The following SASH1 variants were observed in gnomAD, a reference collection of about 807,000 sequenced individuals.
SASH1 encodes the protein SAM and SH3 domain containing 1.
Under a neutral mutation model 125.2 loss-of-function variants are expected in SASH1, and 44 were observed. That is an observed-to-expected ratio of 0.35 (90% CI 0.28 to 0.45). The LOEUF is 0.45. Ranked by LOEUF, SASH1 falls within the 20% of genes least tolerant of loss-of-function variation. The probability of loss-of-function intolerance (pLI) is 1.00; values close to 1 mark genes in which losing one functional copy is unlikely to be tolerated. For synonymous variants in SASH1, 639 were observed against 649.1 expected, an observed-to-expected ratio of 0.98 and a Z score of 0.24; for missense variants, 1,426 against 1,614.5, an observed-to-expected ratio of 0.88 and a Z score of 2.00.
chr6:148,427,477 C>A (rs910544893), intron 2 of SASH1, among the ~76,000 whole-genome samples: 1 of 152,168 alleles, frequency 6.6e-6, no homozygotes, highest in African/African-American at 2.4e-5. Flanking sequence ...ACACTCACAT[C>A]TTATTGAAGT....
intron 1 of SASH1, among the ~76,000 whole-genome samples, chr6:148,361,970 G>A (rs1437564781): frequency 6.9e-6 from 1 of 144,848 alleles, no homozygotes; most frequent in African/African-American, 2.6e-5. Flanking sequence ...CTGGAGTGCA[G>A]TGGCGCGATC....
rs59521298 is a variant in SASH1 at position 148,305,623 on chromosome 6, CAAAAAAAAAAAA to C, written n.74+33256_74+33267del. ...TGGGCGACAGAGCGAGACTCTGACT[CAAAAAAAAAAAA>C]AAAAAAAAAGAAAGAAAGAAAGAAA... On this transcript the variant is annotated intron_variant and non_coding_transcript_variant, in intron 1 of 3. Coordinates refer to the SASH1 transcript ENST00000367469. Among the ~76,000 whole-genome samples the C allele has an allele frequency of 3.0e-3, 309 of 104,370 alleles. 1 individual carries two copies. Among genetic ancestry groups the C allele is most frequent in the African/African-American group, 0.011 (296 of 26,020 alleles). 68.5% of individuals were successfully genotyped at this position (104,370 alleles called of 152,430 possible).
At chr6:148,215,992 G>T in the SASH1 span, among the ~76,000 whole-genome samples, 1 of 151,994 alleles carries the variant, frequency 6.6e-6, no homozygotes, top group Non-Finnish European at 1.5e-5. Context: ...CAAGTAGCTG[G>T]GATTACAGGC....
intron 1 of SASH1, among the ~76,000 whole-genome samples, chr6:148,307,284 A>C (rs1374887154): frequency 2.0e-5 from 3 of 151,448 alleles, no homozygotes; most frequent in Non-Finnish European, 2.9e-5. Context: ...ATGCCTGGCT[A>C]ATTTTGTATT....
At chr6:148,545,221 C>CA (rs1217156841) in intron 18 of SASH1, among the ~76,000 whole-genome samples, 4 of 151,688 alleles carry the variant, frequency 2.6e-5, no homozygotes, top group South Asian at 2.1e-4. Context: ...ATTTCTCATT[C>CA]AAAAAAAATG....
intron 2 of SASH1, among the ~76,000 whole-genome samples, chr6:148,407,101 T>TA (rs1466077801): frequency 1.3e-5 from 2 of 152,224 alleles, no homozygotes; most frequent in East Asian, 3.8e-4. Context: ...ACGTAAAATT[T>TA]ACCATCCTAA....
At chr6:148,507,291 C>G (rs534006791) in intron 8 of SASH1, among the ~76,000 whole-genome samples, 109 of 152,298 alleles carry the variant, frequency 7.2e-4, no homozygotes, top group African/African-American at 2.6e-3. Flanking sequence ...TGATCTGATG[C>G]AGAACCCGCA....
At chr6:148,348,041 C>G (rs1468524347) in intron 1 of SASH1, among the ~76,000 whole-genome samples, 1 of 152,178 alleles carries the variant, frequency 6.6e-6, no homozygotes, top group Non-Finnish European at 1.5e-5. Flanking sequence ...GAGTCTCACT[C>G]TGTCTCCCAG....
At chr6:148,463,015 T>C (rs1012485545) in intron 4 of SASH1, among the ~76,000 whole-genome samples, 3 of 152,192 alleles carry the variant, frequency 2.0e-5, no homozygotes, top group African/African-American at 7.2e-5. Context: ...GAATTTCATG[T>C]TGACCTGTGT....
At chr6:148,355,901 A>G (rs915012240) in intron 1 of SASH1, among the ~76,000 whole-genome samples, 1 of 152,040 alleles carries the variant, frequency 6.6e-6, no homozygotes, top group Non-Finnish European at 1.5e-5. Context: ...TTTTTGGGGA[A>G]CAGGTCAGGT....
the SASH1 span, among the ~76,000 whole-genome samples, chr6:148,201,857 G>A: frequency 7.9e-5 from 12 of 152,196 alleles, no homozygotes; most frequent in African/African-American, 2.4e-5. Context: ...GAACATAAAG[G>A]GTGGTGGGTT....
intron 1 of SASH1, among the ~76,000 whole-genome samples, chr6:148,297,168 A>G (rs921454424): frequency 9.8e-5 from 15 of 152,350 alleles, no homozygotes; most frequent in Middle Eastern, 3.4e-3. Context: ...GACTCTGGGC[A>G]TGGTGCACGC....
rs369677112 is a variant in SASH1 at position 148,530,610 on chromosome 6, T to C, written c.1429-916T>C. On this transcript the variant is annotated intron_variant, in intron 12 of 19. Transcript: ENST00000367467. The stretch of plus-strand genomic sequence containing the variant: ...AGGCCCTTCTGATGACTCGGCAGCA[T>C]GCAAATAGCAGGTTTCATTTTAGCT... 7.2e-5 allele frequency among the ~76,000 whole-genome samples: 11 copies of C among 152,344 alleles called. No homozygotes were observed. The East Asian group carries it at 1.9e-3, about 27-fold the overall frequency.
At chr6:148,373,645 G>A (rs547558783) in intron 1 of SASH1, among the ~76,000 whole-genome samples, 4 of 152,054 alleles carry the variant, frequency 2.6e-5, no homozygotes, top group Non-Finnish European at 4.4e-5. Flanking sequence ...GTACAGTGGG[G>A]AGCCCAGAAT....
At chr6:148,484,258 A>C (rs927234785) in intron 7 of SASH1, among the ~76,000 whole-genome samples, 1 of 152,220 alleles carries the variant, frequency 6.6e-6, no homozygotes, top group Non-Finnish European at 1.5e-5. Flanking sequence ...TCATTCTAAA[A>C]AAATCATGTC....
chr6:148,431,291 C>T (rs1459850645), intron 2 of SASH1, among the ~76,000 whole-genome samples: 3 of 152,150 alleles, frequency 2.0e-5, no homozygotes, highest in East Asian at 1.9e-4. Flanking sequence ...CTCCTCCTCC[C>T]GGGTTCAAGC....
intron 12 of SASH1, among the ~76,000 whole-genome samples, chr6:148,530,499 C>G (rs1477464229): frequency 6.6e-6 from 1 of 152,052 alleles, no homozygotes; most frequent in Non-Finnish European, 1.5e-5. Flanking sequence ...TCACTTTCCT[C>G]ACATTGAAAG....
chr6:148,447,309 A>G (rs1369410719), intron 4 of SASH1, among the ~76,000 whole-genome samples: 2 of 152,244 alleles, frequency 1.3e-5, no homozygotes, highest in African/African-American at 4.8e-5. Context: ...GAAGGCCAAT[A>G]GAGCAGTGTT....
the SASH1 span, among the ~76,000 whole-genome samples, chr6:148,211,537 C>G: frequency 6.6e-6 from 1 of 151,254 alleles, no homozygotes; most frequent in African/African-American, 2.4e-5. Context: ...TGCCACTGCA[C>G]TCCAGCCTGG....
Sources: allele counts gnomAD v4.1 joint callset (sites outside exome capture counted in the v4.1 genomes callset), GRCh38; gene constraint gnomAD v4.1.1; transcripts MANE v1.5; gene names NCBI Gene and HGNC (gene_info 2026-07-23, HGNC 2026-07-21).